CLNK: variants seen among roughly 807,000 people sequenced by gnomAD.
CLNK encodes cytokine-dependent hematopoietic cell linker.
In CLNK, 74 loss-of-function variants were observed where a neutral mutation model predicts 68.6. The observed-to-expected ratio is 1.08, with a 90% CI of 0.89 to 1.31. CLNK has a LOEUF of 1.31. CLNK is among the 50% of genes most tolerant of loss of function. The probability of loss-of-function intolerance (pLI) is 0.00; values close to 1 mark genes in which losing one functional copy is unlikely to be tolerated. For synonymous variants in CLNK, 198 were observed against 172.2 expected (o/e 1.15, Z -1.17); for missense variants, 553 against 515.3 (o/e 1.07, Z -0.71).
chr4:10,703,587 T>C, the CLNK span, among the ~76,000 whole-genome samples: 2 of 152,208 alleles, frequency 1.3e-5, no homozygotes, highest in African/African-American at 2.4e-5. Flanking sequence ...TATACAGTCA[T>C]GTGTCACTTA....
At chr4:10,724,653 G>C in the CLNK span, among the ~76,000 whole-genome samples, 1 of 152,246 alleles carries the variant, frequency 6.6e-6, no homozygotes, top group South Asian at 2.1e-4. Context: ...AGAGGAAACA[G>C]CTCTTAGGAA....
In CLNK at chr4:10,538,473, G is replaced by A. The variant is rs114724466; in HGVS notation, c.602+2021C>T. Among the ~76,000 whole-genome samples the A allele has an allele frequency of 3.0e-3, 460 of 152,268 alleles. 2 individuals are homozygous for A. The highest frequency in any genetic ancestry group is 0.011 in the African/African-American group (441 of 41,554). ...ATTTTCTGTCTTCTTACTTCTCTGA[G>A]GTTTGATCAGTCCTTTACGTATTAG... On this transcript the variant is annotated intron_variant, in intron 11 of 18. Transcript: ENST00000226951.
At chr4:10,684,275 T>C (rs1458971560) in intron 1 of CLNK, among the ~76,000 whole-genome samples, 1 of 152,156 alleles carries the variant, frequency 6.6e-6, no homozygotes, top group African/African-American at 2.4e-5. Flanking sequence ...GGAGTTAACT[T>C]ATACTTTGAA....
chr4:10,552,905 C>A (rs1397541740), intron 8 of CLNK, among the ~76,000 whole-genome samples: 1 of 152,122 alleles, frequency 6.6e-6, no homozygotes. Flanking sequence ...ATACAAGCAG[C>A]TTTTACTATA....
intron 2 of CLNK, among the ~76,000 whole-genome samples, chr4:10,619,288 C>T (rs1414466004): frequency 6.6e-6 from 1 of 152,152 alleles, no homozygotes; most frequent in East Asian, 1.9e-4. Flanking sequence ...ATTGTAATCA[C>T]CGGCTAGGAA....
the CLNK span, among the ~76,000 whole-genome samples, chr4:10,726,421 A>G: frequency 1.3e-5 from 2 of 152,066 alleles, no homozygotes; most frequent in African/African-American, 4.8e-5. Context: ...GCCTGGCCCT[A>G]TGTGTGTATC....
chr4:10,731,389 C>T, the CLNK span, among the ~76,000 whole-genome samples: 4 of 152,186 alleles, frequency 2.6e-5, no homozygotes, highest in Non-Finnish European at 4.4e-5. Context: ...CAGTCTCATG[C>T]CACCGGGCTA....
At chr4:10,545,670 T>C (rs192219110) in intron 8 of CLNK, among the ~76,000 whole-genome samples, 17 of 152,304 alleles carry the variant, frequency 1.1e-4, no homozygotes, top group African/African-American at 2.9e-4. Context: ...CAACACCACA[T>C]ATCTGCTTTG....
At chr4:10,545,412 C>T (rs1413036398) in intron 8 of CLNK, among the ~76,000 whole-genome samples, 1 of 151,920 alleles carries the variant, frequency 6.6e-6, no homozygotes, top group East Asian at 1.9e-4. Context: ...TTTTTTGATT[C>T]CACGTCTGGC....
intron 12 of CLNK, 31 bp from the exon 13 acceptor site, chr4:10,528,125 T>G: frequency 2.6e-6 from 3 of 1,140,246 alleles, no homozygotes; most frequent in Non-Finnish European, 3.5e-6. Flanking sequence ...TAAAATTTAC[T>G]GACTCTTGAT....
At chr4:10,616,968 G>A (rs1435077399) in intron 2 of CLNK, among the ~76,000 whole-genome samples, 1 of 151,884 alleles carries the variant, frequency 6.6e-6, no homozygotes, top group Non-Finnish European at 1.5e-5. Context: ...GCTAGTACAT[G>A]GCACACCTAG....
At chr4:10,494,545 C>T (rs1716727156) in intron 18 of CLNK, among the ~76,000 whole-genome samples, 1 of 151,622 alleles carries the variant, frequency 6.6e-6, no homozygotes, top group African/African-American at 2.4e-5. Context: ...GCAACCTCTG[C>T]CTCCTAGATT....
intron 1 of CLNK, among the ~76,000 whole-genome samples, chr4:10,674,777 G>C (rs1397602341): frequency 6.6e-6 from 1 of 152,168 alleles, no homozygotes; most frequent in Non-Finnish European, 1.5e-5. Flanking sequence ...TAAGTAATTT[G>C]TGGTTTGAAA....
intron 4 of CLNK, 118 bp from the exon 5 acceptor site, chr4:10,571,896 G>T: frequency 4.0e-6 from 3 of 746,142 alleles, no homozygotes; most frequent in South Asian, 1.7e-5. Flanking sequence ...AACTTACCTT[G>T]ATTGTGATTT....
chr4:10,610,823 T>A (rs879429463), intron 2 of CLNK, among the ~76,000 whole-genome samples: 2 of 143,382 alleles, frequency 1.4e-5, no homozygotes, highest in African/African-American at 5.2e-5. Context: ...CACACACGTA[T>A]GAATCCTCAA....
intron 8 of CLNK, among the ~76,000 whole-genome samples, chr4:10,552,581 A>G (rs1176556615): frequency 6.6e-6 from 1 of 152,032 alleles, no homozygotes; most frequent in East Asian, 1.9e-4. Flanking sequence ...ACCCAGAAGT[A>G]ACTCATCTGC....
At chr4:10,581,743 T>C (rs1720792852) in intron 4 of CLNK, among the ~76,000 whole-genome samples, 1 of 151,908 alleles carries the variant, frequency 6.6e-6, no homozygotes, top group South Asian at 2.1e-4. Flanking sequence ...AGTGGGTGAA[T>C]GGTGATAGGG....
At chr4:10,494,577 C>T (rs943097987) in intron 18 of CLNK, among the ~76,000 whole-genome samples, 1 of 152,032 alleles carries the variant, frequency 6.6e-6, no homozygotes, top group Admixed American at 6.6e-5. Flanking sequence ...CCTGCCTCAG[C>T]CTCCCAAGTA....
chr4:10,680,057 C>T (rs570392959), intron 1 of CLNK, among the ~76,000 whole-genome samples: 1 of 152,130 alleles, frequency 6.6e-6, no homozygotes, highest in East Asian at 1.9e-4. Context: ...GCTATAAAGA[C>T]ACATGCACAC....
Sources: gnomAD v4.1 joint callset for allele counts (sites outside exome capture counted in the v4.1 genomes callset) on GRCh38, gnomAD v4.1.1 for gene constraint, MANE v1.5 for transcripts, NCBI Gene and HGNC (gene_info 2026-07-23, HGNC 2026-07-21) for gene names.